The following ZNF525 variants were observed in gnomAD, a reference collection of about 807,000 sequenced individuals.
ZNF525 encodes the protein zinc finger protein 525.
In ZNF525, 33 loss-of-function variants were observed where a neutral mutation model predicts 37.6. The observed-to-expected ratio is 0.88, with a 90% confidence interval of 0.67 to 1.17. The LOEUF (loss-of-function observed/expected upper bound fraction) is 1.17, where lower values mean the gene tolerates loss of function less well. Ranked by LOEUF, ZNF525 falls within the 50% of genes most tolerant of loss-of-function variation. The probability of loss-of-function intolerance (pLI) is 0.00; values close to 1 mark genes in which losing one functional copy is unlikely to be tolerated. For missense variants in ZNF525, 449 were observed against 543.1 expected, an observed-to-expected ratio of 0.83 and a Z score of 1.72; for synonymous variants, 170 against 182.3, an observed-to-expected ratio of 0.93 and a Z score of 0.54.
chr19:53,370,945 A>G (rs1289176717), intron 1 of ZNF525, among the ~76,000 whole-genome samples: 1 of 152,106 alleles, frequency 6.6e-6, no homozygotes, highest in Non-Finnish European at 1.5e-5. Flanking sequence ...CCCTCATCTC[A>G]TGACTCCCTT....
intron 2 of ZNF525, among the ~76,000 whole-genome samples, chr19:53,374,681 CAT>C (rs2085509609): frequency 6.6e-6 from 1 of 152,128 alleles, no homozygotes; most frequent in South Asian, 2.1e-4. Flanking sequence ...TACACACACA[CAT>C]ATACATATAC....
At chr19:53,374,466 A>G (rs867249157) in intron 2 of ZNF525, among the ~76,000 whole-genome samples, 24 of 152,224 alleles carry the variant, frequency 1.6e-4, no homozygotes, top group African/African-American at 3.6e-4. Flanking sequence ...CTGCATTCCT[A>G]CAGATATCTG....
intron 1 of ZNF525, among the ~76,000 whole-genome samples, chr19:53,366,701 G>A (rs575752202): frequency 2.6e-5 from 4 of 151,618 alleles, no homozygotes; most frequent in African/African-American, 9.8e-5. Flanking sequence ...TTGGAGCCAG[G>A]GCAGACAGAG....
chr19:53,382,592 C>A lies in ZNF525; in HGVS notation c.*573C>A, dbSNP rs2085575143. 9.0e-6 allele frequency: 6 copies of A among 664,386 alleles called. No individual in the cohort carries two copies. Among genetic ancestry groups the A allele is most frequent in the Admixed American group, 7.8e-5 (4 of 51,026 alleles). 41.2% of individuals were successfully genotyped at this position (664,386 alleles called of 1,614,324 possible). A position where few individuals can be genotyped will look rare whatever the true frequency, so the allele number is the denominator to read the frequency against. On this transcript the variant is annotated 3_prime_UTR_variant, in exon 4 of 4. Coordinates refer to ENST00000474037, the MANE Select transcript of ZNF525 (RefSeq NM_001348156.2). Reference sequence around the variant, plus strand: ...GTGCAATGAGTGTGGCAAAACCTTTCATAGGCAGTCAGCGCTTATTTACCA... The same window carrying A: ...GTGCAATGAGTGTGGCAAAACCTTTAATAGGCAGTCAGCGCTTATTTACCA...
chr19:53,376,707 T>A (rs371959497), intron 3 of ZNF525, among the ~76,000 whole-genome samples: 6 of 152,182 alleles, frequency 3.9e-5, no homozygotes, highest in Non-Finnish European at 4.4e-5. Context: ...CAGTGGCTCA[T>A]GCCTGTAATC....
intron 3 of ZNF525, 50 bp downstream of exon 3, chr19:53,375,946 G>GT: frequency 6.2e-7 from 1 of 1,611,420 alleles, no homozygotes; most frequent in Middle Eastern, 1.7e-4. Flanking sequence ...TCGTATCTTT[G>GT]TATTTTCTCT....
In ZNF525 at chr19:53,384,271, G is replaced by A. The variant is rs780754693; in HGVS notation, c.*2252G>A. 1 of 218,808 alleles carries A rather than the reference G, an allele frequency of 4.6e-6. No homozygotes were observed. Among genetic ancestry groups the A allele is most frequent in the Non-Finnish European group, 9.3e-6 (1 of 106,996 alleles). 13.6% of individuals were successfully genotyped at this position (218,808 alleles called of 1,614,324 possible). On this transcript the variant is annotated 3_prime_UTR_variant, in exon 4 of 4. Coordinates refer to ENST00000474037, the MANE Select transcript of ZNF525 (RefSeq NM_001348156.2). The stretch of plus-strand genomic sequence containing the variant: ...GGCCAAGGTGGGTAAATCACTTGAG[G>A]TCAGGAGTTTGAGATCAGCCTGGAC...
chr19:53,368,138 A>G (rs10221534), intron 1 of ZNF525, among the ~76,000 whole-genome samples: 20,074 of 152,058 alleles, frequency 0.13, 1,408 homozygotes, highest in South Asian at 0.25. Flanking sequence ...TGATTGTTTC[A>G]AGTACACAAG....
rs73935577 is a variant in ZNF525, at chr19:53,366,914, T to C, written c.-68+1155T>C. On this transcript the variant is annotated intron_variant, in intron 1 of 3. Coordinates refer to ENST00000474037, the MANE Select transcript of ZNF525 (RefSeq NM_001348156.2). ...TATGGGGGAGACAGGAGGATGTTTA[T>C]TTAAGGTACACAGCGGCTCAGCAGA... 9.3e-3 allele frequency among the ~76,000 whole-genome samples: 1,411 copies of C among 151,438 alleles called. 20 individuals carry two copies. The highest frequency in any genetic ancestry group is 0.032 in the African/African-American group (1,320 of 41,202).
At chr19:53,369,416 C>A (rs55706282) in intron 1 of ZNF525, among the ~76,000 whole-genome samples, 1 of 143,850 alleles carries the variant, frequency 7.0e-6, no homozygotes, top group Admixed American at 6.9e-5. Context: ...TTAGTAGAGA[C>A]GGGTTTCACC....
At chr19:53,372,077 TG>T (rs1250701721) in intron 1 of ZNF525, 137 bp from the exon 2 acceptor site, 1 of 440,632 alleles carries the variant, frequency 2.3e-6, no homozygotes, top group Admixed American at 3.7e-5. Flanking sequence ...AGGAGTTTAT[TG>T]TACCTGGTAC....
rs1273174237 is a variant in ZNF525, at chr19:53,382,228, C to T, written c.*209C>T. 6.4e-7 allele frequency: 1 copy of T among 1,570,348 alleles called. No homozygotes were observed. Among genetic ancestry groups the T allele is most frequent in the African/African-American group, 1.4e-5 (1 of 73,674 alleles). ...AGGAGAATTCACACTGGTGAGAAAC[C>T]TTACAGGTGTAATAGGTGTGGCAAG... On this transcript the variant is annotated 3_prime_UTR_variant, in exon 4 of 4. Coordinates refer to ENST00000474037, the MANE Select transcript of ZNF525 (RefSeq NM_001348156.2).
Position 53,384,364 on chromosome 19 carries a change from TG to T in ZNF525, c.*2348del. On this transcript the variant is annotated 3_prime_UTR_variant, in exon 4 of 4. Transcript: ENST00000474037. ...TAACAAAAACTGATAGGGATTTTTA[TG>T]GGTATCGTATTGAATCTAGATTACA... 5.8e-6 allele frequency: 1 copy of T among 172,922 alleles called. No homozygotes were observed. The highest frequency in any genetic ancestry group is 1.2e-5 in the Non-Finnish European group (1 of 80,514). The allele number at this position is 172,922 out of a possible 1,614,324, so 10.7% of individuals were successfully genotyped here. A position where few individuals can be genotyped will look rare whatever the true frequency, so the allele number is the denominator to read the frequency against.
At chr19:53,379,427 C>A (rs906784709) in intron 3 of ZNF525, 2 of 152,150 alleles carry the variant, frequency 1.3e-5, no homozygotes, top group African/African-American at 4.8e-5. Context: ...TTAGTGAATT[C>A]TTATTCATTA....
chr19:53,382,424 C>A lies in ZNF525; in HGVS notation c.*405C>A. On this transcript the variant is annotated 3_prime_UTR_variant, in exon 4 of 4. Coordinates refer to ENST00000474037, the MANE Select transcript of ZNF525 (RefSeq NM_001348156.2). The stretch of plus-strand genomic sequence containing the variant: ...ACAAGTGTAATGAGTGTGGCAAGAC[C>A]TTCAGTCAGAAGTCATGCCTTACAC... 3 of 871,342 alleles carry A rather than the reference C, an allele frequency of 3.4e-6. No homozygotes were observed. Among genetic ancestry groups the A allele is most frequent in the Non-Finnish European group, 3.9e-6 (2 of 515,954 alleles). 54.0% of individuals were successfully genotyped at this position (871,342 alleles called of 1,614,324 possible). A position where few individuals can be genotyped will look rare whatever the true frequency, so the allele number is the denominator to read the frequency against.
intron 1 of ZNF525, among the ~76,000 whole-genome samples, chr19:53,369,248 C>CTT (rs200312113): frequency 9.5e-5 from 14 of 147,432 alleles, no homozygotes; most frequent in South Asian, 4.3e-4. Context: ...TGTACAAGTT[C>CTT]TTTTTTTTTT....
intron 1 of ZNF525, among the ~76,000 whole-genome samples, chr19:53,366,159 T>G (rs1012075736): frequency 2.6e-5 from 3 of 117,210 alleles, no homozygotes; most frequent in Non-Finnish European, 4.4e-5. Context: ...CCGAGTTCTC[T>G]GCCTGTCCTG....
In ZNF525 at chr19:53,382,337, A is replaced by G. The variant is rs2085572627; in HGVS notation, c.*318A>G. 1.5e-6 allele frequency: 2 copies of G among 1,295,384 alleles called. No homozygotes were observed. The highest frequency in any genetic ancestry group is 2.3e-5 in the East Asian group (1 of 42,986). 80.2% of individuals were successfully genotyped at this position (1,295,384 alleles called of 1,614,324 possible). Reference sequence around the variant, plus strand: ...CTTACAAATGTGAAGAATGTGATGAAACTTTCAGATACAAATCAAATCTTG... The same window carrying G: ...CTTACAAATGTGAAGAATGTGATGAGACTTTCAGATACAAATCAAATCTTG... On this transcript the variant is annotated 3_prime_UTR_variant, in exon 4 of 4. Coordinates refer to ENST00000474037, the MANE Select transcript of ZNF525 (RefSeq NM_001348156.2).
intron 2 of ZNF525, 101 bp downstream of exon 2, chr19:53,372,397 G>A (rs935428646): frequency 1.1e-5 from 8 of 739,810 alleles, no homozygotes; most frequent in Non-Finnish European, 2.0e-5. Flanking sequence ...TGCCTGACAG[G>A]TTTGCTCACA....
Sources: allele counts gnomAD v4.1 joint callset (sites outside exome capture counted in the v4.1 genomes callset), GRCh38; gene constraint gnomAD v4.1.1; transcripts MANE v1.5; gene names NCBI Gene and HGNC (gene_info 2026-07-23, HGNC 2026-07-21).